Variants in MBD6 observed in about 807,000 individuals in gnomAD.
The protein encoded by MBD6 is methyl-CpG binding domain protein 6, also known as methyl-CpG-binding domain protein 6.
In MBD6, 22 loss-of-function variants were observed where a neutral mutation model predicts 66.8. The ratio of observed to expected loss-of-function variants is 0.33; its 90% confidence interval spans 0.24 to 0.47. The LOEUF (loss-of-function observed/expected upper bound fraction) is 0.47. Among genes scored for constraint, MBD6 ranks in the 20% least tolerant of loss-of-function variants. The pLI, the probability that MBD6 is intolerant of heterozygous loss-of-function variation, is 1.00. For missense variants in MBD6, 1,322 were observed against 1,286.9 expected, an observed-to-expected ratio of 1.03 and a Z score of -0.42; for synonymous variants, 540 against 534.6, an observed-to-expected ratio of 1.01 and a Z score of -0.14.
upstream of MBD6, chr12:57,522,813 C>G (rs1878475438): frequency 6.5e-6 from 1 of 153,356 alleles, no homozygotes; most frequent in African/African-American, 2.4e-5. Context: ...GAACGGAATC[C>G]CCAGGGCTGC....
At chr12:57,523,971 G>T in intron 1 of MBD6, 58 bp from the exon 2 acceptor site, 1 of 194,918 alleles carries the variant, frequency 5.1e-6, no homozygotes, top group Non-Finnish European at 1.0e-5. Flanking sequence ...GCTGGGCTGT[G>T]CTGCTCTTTA....
rs555479595 is a variant in MBD6 at position 57,528,316 on chromosome 12, G to A, written c.2576G>A (p.Arg859Gln). The A allele has an allele frequency of 1.5e-5, 24 of 1,607,660 alleles. No individual in the cohort carries two copies. The highest frequency in any genetic ancestry group is 2.2e-5 in the South Asian group (2 of 90,528). ...LTGRGSGKRG[R>Q]RGGGGLRGIN... ...GGGAGGGGGTCAGGGAAACGGGGCC[G>A]GAGGGGAGGAGGGGGACTTAGGGGC... Residue 859 changes from arginine (R) to glutamine (Q), a missense_variant, in exon 10 of 13, where the codon CGG becomes CAG. Physicochemically the swap from Arg to Gln is conservative, Grantham distance 43. Transcript: ENST00000355673.
Position 57,527,005 on chromosome 12 carries a change from C to G in MBD6, c.1860C>G (p.Asn620Lys). 6.2e-7 allele frequency: 1 copy of G among 1,613,698 alleles called. No homozygotes were observed. The highest frequency in any genetic ancestry group is 8.5e-7 in the Non-Finnish European group (1 of 1,179,838). The change falls in exon 7 of 13, where the codon AAC becomes AAG. Residue 620 changes from asparagine to lysine, a missense_variant. By Grantham distance (94) the Asn-to-Lys change is moderately conservative. Transcript: ENST00000355673. The part of the protein sequence containing the change: ...LLPPPSAPPS[N>K]LLASFLPLLA... ...CACCTCCTTCAGCACCTCCCAGCAA[C>G]CTCCTTGCCTCTTTCCTGCCCCTGT...
rs769043454 is a variant in MBD6 at position 57,527,011 on chromosome 12, T to G, written c.1866T>G (p.Leu622=). Residue 622 remains leucine (L), a synonymous_variant, in exon 7 of 13, where the codon CTT becomes CTG. Coordinates refer to ENST00000355673, the MANE Select transcript of MBD6 (RefSeq NM_052897.4). ...PPPSAPPSNL[L]ASFLPLLALG... The stretch of plus-strand genomic sequence containing the variant: ...CTTCAGCACCTCCCAGCAACCTCCT[T>G]GCCTCTTTCCTGCCCCTGTTGGCTC... 1 of 1,613,570 alleles carries G rather than the reference T, an allele frequency of 6.2e-7. No individual in the cohort carries two copies. Among genetic ancestry groups the G allele is most frequent in the Non-Finnish European group, 8.5e-7 (1 of 1,179,798 alleles).
At chr12:57,530,651 G>T (rs1389671888), downstream of MBD6, 5 of 1,550,342 alleles carry the variant, frequency 3.2e-6, no homozygotes, top group Admixed American at 1.7e-5. Context: ...AGTTCACAGG[G>T]GTAGGGATAA....
Position 57,527,225 on chromosome 12 carries a change from C to G in MBD6, c.2080C>G (p.Gln694Glu). ...GGATCCCCCCTCGGGGACACCCCCCCAGGTGAGGATGGGGGTGAGTAGGTG... is the reference window on the plus strand; with the variant it reads ...GGATCCCCCCTCGGGGACACCCCCCGAGGTGAGGATGGGGGTGAGTAGGTG... ...TLDPPSGTPP[Q>E]PCVLSAPQPG... Residue 694 changes from glutamine to glutamate, a missense_variant and splice_region_variant, in exon 7 of 13, where the codon CAG becomes GAG. Physicochemically the swap from Gln to Glu is conservative, Grantham distance 29 (BLOSUM62 2). Transcript: ENST00000355673. The G allele has an allele frequency of 3.3e-6, 5 of 1,504,872 alleles. No individual in the cohort carries two copies. Among genetic ancestry groups the G allele is most frequent in the Non-Finnish European group, 4.4e-6 (5 of 1,127,486 alleles). 93.2% of individuals were successfully genotyped at this position (1,504,872 alleles called of 1,614,324 possible). A position where few individuals can be genotyped will look rare whatever the true frequency, so the allele number is the denominator to read the frequency against.
chr12:57,521,178 C>T (rs1878310489), upstream of MBD6: 1 of 152,312 alleles, frequency 6.6e-6, no homozygotes, highest in Admixed American at 6.5e-5. Context: ...AAAGAGGTCT[C>T]CTGGCCGGGC....
chr12:57,522,702 T>G (rs2140059495), upstream of MBD6: 1 of 148,496 alleles, frequency 6.7e-6, no homozygotes, highest in South Asian at 1.8e-4. Flanking sequence ...GCCCCGCCCC[T>G]CTCCCGTCCG....
rs1266343051 is a variant in MBD6 at position 57,528,486 on chromosome 12, A to G, written c.2746A>G (p.Asn916Asp). 6.2e-7 allele frequency: 1 copy of G among 1,613,846 alleles called. No homozygotes were observed. Among genetic ancestry groups the G allele is most frequent in the Non-Finnish European group, 8.5e-7 (1 of 1,180,018 alleles). ...SPRRTHHWQH[N>D]GELAEGGAEP... ...AAGAAGAACCCACCATTGGCAGCAT[A>G]ATGGGGAGCTGGCTGAAGGGGGTGC... The change falls in exon 10 of 13, where the codon AAT becomes GAT. Residue 916 changes from asparagine to aspartate, a missense_variant. Transcript: ENST00000355673.
chr12:57,521,544 C>T (rs569487118), upstream of MBD6: 1 of 152,316 alleles, frequency 6.6e-6, no homozygotes, highest in East Asian at 1.9e-4. Context: ...CAAAAGGGGC[C>T]GAGGTACTGG....
chr12:57,529,112 T>C (rs765373344), intron 12 of MBD6, 48 bp from the exon 13 acceptor site: 2 of 1,613,468 alleles, frequency 1.2e-6, no homozygotes, highest in Admixed American at 1.7e-5. Context: ...GAAGACTTCC[T>C]GATACCTAGC....
rs1399858023 is a variant in MBD6 at position 57,528,725 on chromosome 12, G to A, written c.2873+7G>A. 11 of 1,614,108 alleles carry A rather than the reference G, an allele frequency of 6.8e-6. No individual in the cohort carries two copies. The African/African-American group carries it at 1.3e-4, about 20-fold the overall frequency. On this transcript the variant is annotated splice_region_variant and intron_variant, in intron 11 of 12. Coordinates refer to ENST00000355673, the MANE Select transcript of MBD6 (RefSeq NM_052897.4). ...GCCGTAGGAGAAAATACAAGTGAGT[G>A]TTGGGCCTACTATAGTGCTGGCCTT...
rs1016747473 is a variant in MBD6, at chr12:57,524,729, C to T, written c.123C>T (p.Gly41=). The change falls in exon 4 of 13, where the codon GGC becomes GGT. Residue 41 remains glycine, a synonymous_variant. Transcript: ENST00000355673. ...EGAVLYISPS[G]TELSSLEQTR... is the part of the protein sequence containing the mutation. ...CCCTGTCCTCTCGCAGTCCAAGTGGCACAGAGCTGTCTTCCTTGGAGCAAA... is the reference window on the plus strand; with the variant it reads ...CCCTGTCCTCTCGCAGTCCAAGTGGTACAGAGCTGTCTTCCTTGGAGCAAA... 1.9e-6 allele frequency: 3 copies of T among 1,614,190 alleles called. No individual in the cohort carries two copies. Among genetic ancestry groups the T allele is most frequent in the Non-Finnish European group, 2.5e-6 (3 of 1,180,018 alleles).
intron 7 of MBD6, 43 bp downstream of exon 7, chr12:57,527,270 A>G (rs779275217): frequency 2.3e-6 from 3 of 1,276,936 alleles, no homozygotes; most frequent in East Asian, 2.4e-5. Flanking sequence ...AAGATGTAGA[A>G]TAAGAGATGG....
chr12:57,529,375 C>A lies in MBD6; in HGVS notation c.*141C>A. On this transcript the variant is annotated 3_prime_UTR_variant, in exon 13 of 13. Transcript: ENST00000355673. Reference sequence around the variant, plus strand: ...TCAGAGCACAAATGCAACTCCTTCCCCTACAATCCCATCCTGAGCCATTGC... The same window carrying A: ...TCAGAGCACAAATGCAACTCCTTCCACTACAATCCCATCCTGAGCCATTGC... 1 of 720,904 alleles carries A rather than the reference C, an allele frequency of 1.4e-6. No individual in the cohort carries two copies. The highest frequency in any genetic ancestry group is 2.3e-6 in the Non-Finnish European group (1 of 434,370). The allele number at this position is 720,904 out of a possible 1,614,324, so 44.7% of individuals were successfully genotyped here. A position where few individuals can be genotyped will look rare whatever the true frequency, so the allele number is the denominator to read the frequency against.
chr12:57,530,611 A>AAT, downstream of MBD6: 3 of 1,286,010 alleles, frequency 2.3e-6, no homozygotes, highest in Non-Finnish European at 3.3e-6. Context: ...AGTTATAGTA[A>AAT]AGGGGAAACC....
chr12:57,526,976 C>T lies in MBD6; in HGVS notation c.1831C>T (p.Leu611Phe). 1 of 1,613,806 alleles carries T rather than the reference C, an allele frequency of 6.2e-7. No individual in the cohort carries two copies. Among genetic ancestry groups the T allele is most frequent in the Non-Finnish European group, 8.5e-7 (1 of 1,179,966 alleles). ...GCTTCCTCCACCACCCTCAGACCTTCTTCCACCTCCTTCAGCACCTCCCAG... is the reference window on the plus strand; with the variant it reads ...GCTTCCTCCACCACCCTCAGACCTTTTTCCACCTCCTTCAGCACCTCCCAG... ...SLLPPPPSDL[L>F]PPPSAPPSNL... The change falls in exon 7 of 13, where the codon CTT (leucine) becomes TTT (phenylalanine). Residue 611 changes from leucine (L) to phenylalanine (F), a missense_variant. Transcript: ENST00000355673.
At chr12:57,528,780 T>A in intron 11 of MBD6, 62 bp downstream of exon 11, 1 of 1,608,424 alleles carries the variant, frequency 6.2e-7, no homozygotes, top group South Asian at 1.1e-5. Context: ...TGGACAGTTC[T>A]AATGTCCAAA....
rs1340054178 is a variant in MBD6, at chr12:57,525,974, C to A, written c.1006C>A (p.Pro336Thr). ...AAAKAQHPPL[P>T]PPSTLQGRRP... Reference sequence around the variant, plus strand: ...GGCCAAGGCACAGCATCCCCCACTACCCCCTCCCAGCACTTTACAGGGCCG... The same window carrying A: ...GGCCAAGGCACAGCATCCCCCACTAACCCCTCCCAGCACTTTACAGGGCCG... The change falls in exon 6 of 13, where the codon CCC becomes ACC. Residue 336 changes from proline to threonine, a missense_variant. Coordinates refer to ENST00000355673, the MANE Select transcript of MBD6 (RefSeq NM_052897.4). 6.2e-7 allele frequency: 1 copy of A among 1,613,576 alleles called. No homozygotes were observed. Among genetic ancestry groups the A allele is most frequent in the Non-Finnish European group, 8.5e-7 (1 of 1,179,862 alleles).
Sources: allele counts gnomAD v4.1 joint callset, GRCh38; gene constraint gnomAD v4.1.1; transcripts MANE v1.5; gene names NCBI Gene and HGNC (gene_info 2026-07-23, HGNC 2026-07-21).